The following CUEDC1 variants were observed in gnomAD, a reference collection of about 807,000 sequenced individuals.
CUEDC1 encodes the protein CUE domain containing 1, also known as CUE domain-containing protein 1.
CUEDC1 carries 30 observed loss-of-function variants against 43.7 expected under a neutral mutation model. The observed-to-expected ratio is 0.69, with a 90% confidence interval of 0.51 to 0.93. The LOEUF is 0.93. Ranked by LOEUF, CUEDC1 falls within the 40% of genes least tolerant of loss-of-function variation. The pLI is 0.00. For synonymous variants in CUEDC1, 223 were observed against 223.6 expected, an observed-to-expected ratio of 1.00 and a Z score of 0.02; for missense variants, 486 against 549.0, an observed-to-expected ratio of 0.89 and a Z score of 1.15.
chr17:57,873,779 C>CCCATCACACCAGG (rs1481381946), intron 3 of CUEDC1, 62 bp from the exon 4 acceptor site: 5 of 1,455,188 alleles, frequency 3.4e-6, no homozygotes, highest in Non-Finnish European at 4.6e-6. Flanking sequence ...GTCTCCTGGC[C>CCCATCACACCAGG]CCATCACACC....
intron 1 of CUEDC1, among the ~76,000 whole-genome samples, chr17:57,940,947 CAA>C (rs2074911886): frequency 6.6e-6 from 1 of 152,232 alleles, no homozygotes; most frequent in Non-Finnish European, 1.5e-5. Context: ...TGCCAGGAGG[CAA>C]AGACAGCTTG....
chr17:57,916,704 G>A (rs914247633), intron 1 of CUEDC1, among the ~76,000 whole-genome samples: 1 of 152,126 alleles, frequency 6.6e-6, no homozygotes, highest in Non-Finnish European at 1.5e-5. Context: ...CCACCCCCAG[G>A]CTCACAAACT....
intron 1 of CUEDC1, among the ~76,000 whole-genome samples, chr17:57,897,488 G>T (rs778977591): frequency 1.3e-5 from 2 of 151,906 alleles, no homozygotes; most frequent in Non-Finnish European, 2.9e-5. Flanking sequence ...GGCTAACACG[G>T]TGAAACCCCG....
intron 8 of CUEDC1, 112 bp from the exon 9 acceptor site, chr17:57,867,527 A>G (rs928907637): frequency 2.4e-5 from 22 of 910,590 alleles, no homozygotes; most frequent in Non-Finnish European, 3.5e-5. Context: ...TACCTGACAC[A>G]CCCACCTGAC....
At position 57,885,490 on chromosome 17, in the gene CUEDC1, T is replaced by C. The variant is rs993218812; in HGVS notation, c.75A>G (p.Gly25=). The C allele has an allele frequency of 5.2e-6, 8 of 1,538,644 alleles. No individual in the cohort carries two copies. The Middle Eastern group carries it at 6.6e-4, about 127-fold the overall frequency. Residue 25 remains glycine (G), a synonymous_variant, in exon 2 of 11, where the codon GGA becomes GGG. Transcript: ENST00000577830. ...TGAGCTCCTGGGGGGCGGCCGTGCC[T>C]CCCCCGCCCCCGCGTGCCCCGGCGG... ...GGTAGARGGG[G]GTAAPQELNN...
At chr17:57,908,126 G>A (rs1010418766) in intron 1 of CUEDC1, among the ~76,000 whole-genome samples, 22 of 151,658 alleles carry the variant, frequency 1.5e-4, no homozygotes, top group East Asian at 2.0e-4. Context: ...GCATGATCTC[G>A]GCTCACTGCA....
intron 3 of CUEDC1, among the ~76,000 whole-genome samples, chr17:57,877,051 G>A (rs1047697712): frequency 1.3e-5 from 2 of 152,174 alleles, no homozygotes; most frequent in African/African-American, 4.8e-5. Context: ...GAAAGGGGTG[G>A]GGAGAACAGA....
rs1247426007 is a variant in CUEDC1 at position 57,867,419 on chromosome 17, C to T, written c.1035-4G>A. 8 of 1,552,146 alleles carry T rather than the reference C, an allele frequency of 5.2e-6. No homozygotes were observed. The highest frequency in any genetic ancestry group is 5.2e-6 in the Non-Finnish European group (6 of 1,147,266). On this transcript the variant is annotated splice_region_variant and splice_polypyrimidine_tract_variant and intron_variant, in intron 8 of 10. Coordinates refer to ENST00000577830, the MANE Select transcript of CUEDC1 (RefSeq NM_001271875.2). ...TGTTGACGCGGCAGCCCCCAGCCTGCCAGGCCATTCAGGAAAACCGTCCCA... is the reference window on the plus strand; with the variant it reads ...TGTTGACGCGGCAGCCCCCAGCCTGTCAGGCCATTCAGGAAAACCGTCCCA...
intron 1 of CUEDC1, among the ~76,000 whole-genome samples, chr17:57,905,350 A>C (rs924050942): frequency 6.6e-6 from 1 of 150,784 alleles, no homozygotes. Flanking sequence ...TCCAGAGGGG[A>C]GGGGATGCCT....
intron 1 of CUEDC1, among the ~76,000 whole-genome samples, chr17:57,889,609 T>C (rs1004313634): frequency 6.6e-6 from 1 of 152,210 alleles, no homozygotes; most frequent in African/African-American, 2.4e-5. Flanking sequence ...AGGAGGGAGT[T>C]GCCCAAGGAC....
intron 9 of CUEDC1, chr17:57,866,971 G>A (rs1444373054): frequency 2.7e-6 from 1 of 367,230 alleles, no homozygotes; most frequent in Non-Finnish European, 5.1e-6. Flanking sequence ...CTTTGGAAGG[G>A]ACTGGGTGAA....
In CUEDC1 at chr17:57,885,514, G is replaced by A. The variant is rs2074277771; in HGVS notation, c.51C>T (p.Thr17=). Residue 17 remains threonine, a synonymous_variant, in exon 2 of 11, where the codon ACC becomes ACT. Transcript: ENST00000577830. ...RSSSGSGGGG[T]AGARGGGGGT... is the part of the protein sequence containing the mutation. ...CTCCCCCGCCCCCGCGTGCCCCGGC[G>A]GTGCCACCCCCGCCGCTGCCGCTGC... is the stretch of plus-strand genomic sequence containing the variant. 8.4e-6 allele frequency: 12 copies of A among 1,420,628 alleles called. No individual in the cohort carries two copies. The highest frequency in any genetic ancestry group is 2.0e-4 in the Middle Eastern group (1 of 4,962). 88.0% of individuals were successfully genotyped at this position (1,420,628 alleles called of 1,614,324 possible).
intron 1 of CUEDC1, among the ~76,000 whole-genome samples, chr17:57,896,075 A>G (rs1412242264): frequency 6.6e-6 from 1 of 152,188 alleles, no homozygotes; most frequent in Non-Finnish European, 1.5e-5. Context: ...CAAGGAACCC[A>G]TGATTAGAAA....
At chr17:57,902,758 A>G (rs893496558) in intron 1 of CUEDC1, among the ~76,000 whole-genome samples, 3 of 152,252 alleles carry the variant, frequency 2.0e-5, no homozygotes, top group African/African-American at 7.2e-5. Flanking sequence ...CTTTGCATTC[A>G]GCCAGGCTCC....
intron 1 of CUEDC1, among the ~76,000 whole-genome samples, chr17:57,933,749 C>T (rs902372604): frequency 2.0e-5 from 3 of 152,178 alleles, no homozygotes; most frequent in African/African-American, 4.8e-5. Flanking sequence ...TCTACCAGAT[C>T]GGATGCTGCA....
intron 9 of CUEDC1, 170 bp downstream of exon 9, chr17:57,867,187 G>A (rs568576013): frequency 5.6e-4 from 366 of 653,980 alleles, no homozygotes; most frequent in Admixed American, 1.5e-3. Flanking sequence ...AAAGGGGGAA[G>A]CAATGTCGAC....
Position 57,885,244 on chromosome 17 carries a change from G to C in CUEDC1, c.321C>G (p.Asp107Glu). The C allele has an allele frequency of 6.3e-7, 1 of 1,583,510 alleles. No homozygotes were observed. The highest frequency in any genetic ancestry group is 8.6e-7 in the Non-Finnish European group (1 of 1,161,930). Residue 107 changes from aspartate to glutamate, a missense_variant, in exon 2 of 11, where the codon GAC (aspartate) becomes GAG (glutamate). Physicochemically the swap from Asp to Glu is conservative, Grantham distance 45. Transcript: ENST00000577830. Reference protein sequence around the residue: ...GVYEDSSDSEDSIPPEILERT... With the variant: ...GVYEDSSDSEESIPPEILERT... ...GCGCCCCTACCTCCGGGGGGATGCT[G>C]TCCTCCGAGTCGGAGCTGTCCTCAT...
At chr17:57,938,533 C>A (rs549342249) in intron 1 of CUEDC1, among the ~76,000 whole-genome samples, 60 of 152,362 alleles carry the variant, frequency 3.9e-4, no homozygotes, top group African/African-American at 1.3e-3. Flanking sequence ...TACCAGAGCA[C>A]ACATATGCAA....
At chr17:57,867,288 C>A in intron 9 of CUEDC1, 69 bp downstream of exon 9, 1 of 1,470,230 alleles carries the variant, frequency 6.8e-7, no homozygotes, top group Non-Finnish European at 9.3e-7. Flanking sequence ...CCATGAAACA[C>A]CCAGGAACTC....
Sources: allele counts gnomAD v4.1 joint callset (sites outside exome capture counted in the v4.1 genomes callset), GRCh38; gene constraint gnomAD v4.1.1; transcripts MANE v1.5; gene names NCBI Gene and HGNC (gene_info 2026-07-23, HGNC 2026-07-21).